The following ADGRB3 variants were observed in gnomAD, a reference collection of about 807,000 sequenced individuals.
The protein encoded by ADGRB3 is brain-specific angiogenesis inhibitor 3.
Under a neutral mutation model 193.4 loss-of-function variants are expected in ADGRB3, and 37 were observed. The observed-to-expected ratio is 0.19, with a 90% CI of 0.15 to 0.25. The LOEUF is 0.25. ADGRB3 is among the 10% of genes least tolerant of loss of function. ADGRB3 has a pLI of 1.00. For missense variants in ADGRB3, 1,637 were observed against 1,852.9 expected (o/e 0.88, Z 2.14); for synonymous variants, 690 against 644.2 (o/e 1.07, Z -1.08).
At chr6:69,242,226 A>C (rs2127262064) in intron 20 of ADGRB3, among the ~76,000 whole-genome samples, 1 of 152,082 alleles carries the variant, frequency 6.6e-6, no homozygotes, top group South Asian at 2.1e-4. Context: ...TAAACTACAA[A>C]TAACTATTTT....
In ADGRB3 at chr6:68,936,387, T is replaced by A; in HGVS notation, c.869-132T>A. The A allele has an allele frequency of 4.1e-6, 4 of 966,516 alleles. No homozygotes were observed. The South Asian group carries it at 7.2e-5, about 17-fold the overall frequency. 59.9% of individuals were successfully genotyped at this position (966,516 alleles called of 1,614,324 possible). A position where few individuals can be genotyped will look rare whatever the true frequency, so the allele number is the denominator to read the frequency against. ...CTTCATTTTCTCTGAAATGTTTTCA[T>A]GTACCTTTTGATGTATGGTCATATT... is the stretch of plus-strand genomic sequence containing the variant. On this transcript the variant is annotated intron_variant, in intron 4 of 31. Transcript: ENST00000370598.
Position 68,870,882 on chromosome 6 carries a change from C to G in ADGRB3, c.758-59677C>G, listed in dbSNP as rs151177128. On this transcript the variant is annotated intron_variant, in intron 3 of 31. Transcript: ENST00000370598. ...GTCTGATTGCTATGTTATTAAACCA[C>G]TCTTTAGAAGGTGAGATGCAGAGTA... Among the ~76,000 whole-genome samples, 123 of 152,300 alleles carry G rather than the reference C, an allele frequency of 8.1e-4. 1 individual carries two copies. Among genetic ancestry groups the G allele is most frequent in the African/African-American group, 2.5e-3 (104 of 41,560 alleles).
intron 20 of ADGRB3, among the ~76,000 whole-genome samples, chr6:69,255,573 T>C (rs1239620217): frequency 6.6e-6 from 1 of 152,214 alleles, no homozygotes; most frequent in African/African-American, 2.4e-5. Context: ...TGTAAATTTG[T>C]TTAAGTTCTT....
In ADGRB3 at chr6:68,981,409, T is replaced by C. The variant is rs1158264574; in HGVS notation, c.1734+6069T>C. ...GAAACAAACAAACTTGGAAGGGAGGTGTTACTTAAATCTTTCTTTTCTAAG... is the reference window on the plus strand; with the variant it reads ...GAAACAAACAAACTTGGAAGGGAGGCGTTACTTAAATCTTTCTTTTCTAAG... On this transcript the variant is annotated intron_variant, in intron 10 of 31. Transcript: ENST00000370598. 1.3e-5 allele frequency among the ~76,000 whole-genome samples: 2 copies of C among 151,452 alleles called. 1 individual carries two copies. Among genetic ancestry groups the C allele is most frequent in the Admixed American group, 1.3e-4 (2 of 15,134 alleles).
intron 15 of ADGRB3, among the ~76,000 whole-genome samples, chr6:69,062,482 G>T (rs1215767710): frequency 6.6e-6 from 1 of 151,736 alleles, no homozygotes; most frequent in Non-Finnish European, 1.5e-5. Context: ...ACTCCACATT[G>T]CAATTATTTA....
At chr6:68,987,221 T>G (rs1025031726) in intron 10 of ADGRB3, among the ~76,000 whole-genome samples, 2 of 152,132 alleles carry the variant, frequency 1.3e-5, no homozygotes, top group Non-Finnish European at 2.9e-5. Context: ...ATTTCCATGA[T>G]TAAATTACAA....
intron 17 of ADGRB3, among the ~76,000 whole-genome samples, chr6:69,102,234 A>G (rs1392605601): frequency 1.3e-5 from 2 of 151,782 alleles, no homozygotes; most frequent in African/African-American, 4.8e-5. Flanking sequence ...CAAAATTTGC[A>G]TAGTCACTTT....
At chr6:68,772,890 AAAAAATATATAT>A (rs1313798592) in intron 3 of ADGRB3, among the ~76,000 whole-genome samples, 585 of 46,080 alleles carry the variant, frequency 0.013, 13 homozygotes, top group East Asian at 0.074. Flanking sequence ...AACAAAAAAA[AAAAAATATATAT>A]ATATATATAT....
At chr6:69,122,767 C>T (rs1773748728) in intron 17 of ADGRB3, among the ~76,000 whole-genome samples, 1 of 151,956 alleles carries the variant, frequency 6.6e-6, no homozygotes, top group African/African-American at 2.4e-5. Flanking sequence ...TTTGCTAAAA[C>T]ATGGCCAAGA....
intron 26 of ADGRB3, among the ~76,000 whole-genome samples, chr6:69,346,907 A>G (rs1479767505): frequency 6.6e-6 from 1 of 152,200 alleles, no homozygotes; most frequent in Non-Finnish European, 1.5e-5. Context: ...ACACATGTAC[A>G]CCTGTGTTTA....
chr6:68,659,260 A>G (rs1768564235), intron 3 of ADGRB3, among the ~76,000 whole-genome samples: 1 of 150,828 alleles, frequency 6.6e-6, no homozygotes, highest in African/African-American at 2.4e-5. Flanking sequence ...GGGATGTGAC[A>G]GTTTCCTCAG....
rs796873491 is a variant in ADGRB3, at chr6:69,043,292, GAA to G, written c.2108-4891_2108-4890del. Among the ~76,000 whole-genome samples, 58 of 17,066 alleles carry G rather than the reference GAA, an allele frequency of 3.4e-3. 2 individuals carry two copies. Among genetic ancestry groups the G allele is most frequent in the East Asian group, 0.014 (5 of 348 alleles). 11.2% of individuals were successfully genotyped at this position (17,066 alleles called of 152,430 possible). A position where few individuals can be genotyped will look rare whatever the true frequency, so the allele number is the denominator to read the frequency against. On this transcript the variant is annotated intron_variant, in intron 13 of 31. Coordinates refer to ENST00000370598, the MANE Select transcript of ADGRB3 (RefSeq NM_001704.3). ...AAAGAAAAGGAAAGGAAGAAAGAGA[GAA>G]AGAAAGAAAGAAAGAAAGAAAGAAA...
intron 17 of ADGRB3, among the ~76,000 whole-genome samples, chr6:69,137,056 C>CTTTTTTTTTTTTTT (rs71548125): frequency 3.7e-5 from 3 of 80,116 alleles, no homozygotes; most frequent in African/African-American, 8.1e-5. Flanking sequence ...TCTTTTCTTT[C>CTTTTTTTTTTTTTT]TTTTTTTTTT....
chr6:68,638,849 G>A lies in ADGRB3; in HGVS notation c.174G>A (p.Thr58=). ...FPKNFTNCTW[T]LENPDPTKYS... is the part of the protein sequence containing the mutation. ...AAAACTTTACAAACTGCACTTGGAC[G>A]CTGGAAAATCCAGATCCAACCAAAT... is the stretch of plus-strand genomic sequence containing the variant. The change falls in exon 3 of 32, where the codon ACG becomes ACA. Residue 58 remains threonine (T), a synonymous_variant. Transcript: ENST00000370598. The A allele has an allele frequency of 5.0e-6, 8 of 1,614,022 alleles. No homozygotes were observed. In the South Asian group the frequency reaches 5.5e-5, roughly 11 times the overall value.
At chr6:69,370,058 G>T (rs762794963) in intron 29 of ADGRB3, among the ~76,000 whole-genome samples, 1 of 152,232 alleles carries the variant, frequency 6.6e-6, no homozygotes, top group East Asian at 1.9e-4. Flanking sequence ...GACAGCAAGA[G>T]ATAGTAAATG....
intron 6 of ADGRB3, among the ~76,000 whole-genome samples, chr6:68,952,503 C>G (rs2150255005): frequency 6.6e-6 from 1 of 152,066 alleles, no homozygotes; most frequent in Non-Finnish European, 1.5e-5. Context: ...AATATTAGGC[C>G]TTTCCTCTTT....
chr6:69,367,650 A>G (rs1049634520), intron 29 of ADGRB3, among the ~76,000 whole-genome samples: 1 of 152,000 alleles, frequency 6.6e-6, no homozygotes, highest in African/African-American at 2.4e-5. Flanking sequence ...TTTTGGCTGC[A>G]TAAATGTCTT....
At chr6:68,922,237 T>A (rs1423254443) in intron 3 of ADGRB3, among the ~76,000 whole-genome samples, 4 of 152,210 alleles carry the variant, frequency 2.6e-5, no homozygotes, top group Admixed American at 2.0e-4. Flanking sequence ...TGGGTGCTCA[T>A]TTAATGTTTG....
At chr6:69,008,290 T>G (rs1582390118) in intron 11 of ADGRB3, among the ~76,000 whole-genome samples, 1 of 152,262 alleles carries the variant, frequency 6.6e-6, no homozygotes, top group East Asian at 1.9e-4. Context: ...ACTATCATAT[T>G]CACAGCACTT....
Sources: allele counts gnomAD v4.1 joint callset (sites outside exome capture counted in the v4.1 genomes callset), GRCh38; gene constraint gnomAD v4.1.1; transcripts MANE v1.5; gene names NCBI Gene and HGNC (gene_info 2026-07-23, HGNC 2026-07-21).